The following ROBO2 variants were observed in gnomAD, a reference collection of about 807,000 sequenced individuals.
The protein encoded by ROBO2 is roundabout homolog 2.
In ROBO2, 53 loss-of-function variants were observed where a neutral mutation model predicts 160.8. That is an observed-to-expected ratio of 0.33 (90% CI 0.26 to 0.41). The LOEUF (loss-of-function observed/expected upper bound fraction) is 0.41, where lower values mean the gene tolerates loss of function less well. ROBO2 is among the 10% of genes least tolerant of loss of function. ROBO2 has a pLI of 1.00. For missense variants in ROBO2, 1,577 were observed against 1,722.4 expected, an observed-to-expected ratio of 0.92 and a Z score of 1.49; for synonymous variants, 664 against 611.7, an observed-to-expected ratio of 1.09 and a Z score of -1.26.
chr3:76,234,044 C>T (rs1267281550), intron 2 of ROBO2, among the ~76,000 whole-genome samples: 1 of 152,212 alleles, frequency 6.6e-6, no homozygotes, highest in African/African-American at 2.4e-5. Flanking sequence ...TGAAGTTTAA[C>T]TCCCACTTAT....
At chr3:77,597,877 T>C (rs963038152) in intron 19 of ROBO2, among the ~76,000 whole-genome samples, 2 of 152,104 alleles carry the variant, frequency 1.3e-5, no homozygotes, top group Non-Finnish European at 2.9e-5. Flanking sequence ...CAAAGGACCT[T>C]TTAAGCCACA....
chr3:76,064,102 AAGACCTCCAAGTTTCACGTG>A (rs2068159816), intron 2 of ROBO2, among the ~76,000 whole-genome samples: 1 of 152,156 alleles, frequency 6.6e-6, no homozygotes, highest in Admixed American at 6.5e-5. Context: ...AGACTGGAAA[AAGACCTCCAAGTTTCACGTG>A]AGAATTGCAG....
At chr3:76,495,467 TACTA>T (rs1011322348) in intron 2 of ROBO2, among the ~76,000 whole-genome samples, 4 of 152,096 alleles carry the variant, frequency 2.6e-5, no homozygotes, top group East Asian at 3.9e-4. Flanking sequence ...CTGAAGTGCT[TACTA>T]ACTTAGTCAG....
In ROBO2 at chr3:76,639,769, A is replaced by G. The variant is rs1207017746; in HGVS notation, c.110-458245A>G. Among the ~76,000 whole-genome samples the G allele has an allele frequency of 3.3e-5, 5 of 152,184 alleles. No homozygotes were observed. The East Asian group carries it at 9.6e-4, about 29-fold the overall frequency. ...ACAGAAACCATAGGGCTAAAAGGTAACTTTTTGTCCACTACCACACCACAT... is the reference window on the plus strand; with the variant it reads ...ACAGAAACCATAGGGCTAAAAGGTAGCTTTTTGTCCACTACCACACCACAT... On this transcript the variant is annotated intron_variant, in intron 2 of 26. Coordinates refer to the ROBO2 transcript ENST00000487694.
chr3:76,277,658 A>G (rs150499112), intron 2 of ROBO2, among the ~76,000 whole-genome samples: 8 of 152,106 alleles, frequency 5.3e-5, no homozygotes, highest in South Asian at 4.1e-4. Flanking sequence ...ATTTTCATCA[A>G]TAATACAGTC....
intron 2 of ROBO2, among the ~76,000 whole-genome samples, chr3:76,120,374 C>T (rs1259996219): frequency 2.0e-5 from 3 of 150,426 alleles, no homozygotes; most frequent in Admixed American, 6.7e-5. Flanking sequence ...AAGGTTCAAA[C>T]TTATGTTTGC....
intron 2 of ROBO2, among the ~76,000 whole-genome samples, chr3:76,190,250 T>C (rs1701945911): frequency 1.3e-5 from 2 of 152,102 alleles, no homozygotes; most frequent in Admixed American, 6.6e-5. Flanking sequence ...AAAGATATTC[T>C]AAGCAATAAA....
intron 2 of ROBO2, among the ~76,000 whole-genome samples, chr3:76,030,810 A>T (rs1156818775): frequency 6.6e-6 from 1 of 152,174 alleles, no homozygotes; most frequent in Non-Finnish European, 1.5e-5. Context: ...TGATGCCTCC[A>T]GCTTTGTTGT....
At chr3:76,892,711 C>A (rs2148824430) in intron 2 of ROBO2, among the ~76,000 whole-genome samples, 1 of 152,304 alleles carries the variant, frequency 6.6e-6, no homozygotes, top group African/African-American at 2.4e-5. Flanking sequence ...GAAAAACACA[C>A]AACCAAACTT....
At chr3:77,447,443 A>T (rs1370888551) in intron 2 of ROBO2, among the ~76,000 whole-genome samples, 2 of 152,138 alleles carry the variant, frequency 1.3e-5, no homozygotes, top group African/African-American at 4.8e-5. Flanking sequence ...ATTAAAATAG[A>T]CTGTTAAAAA....
chr3:76,680,629 T>C (rs904424626), intron 2 of ROBO2, among the ~76,000 whole-genome samples: 3 of 152,130 alleles, frequency 2.0e-5, no homozygotes, highest in African/African-American at 7.2e-5. Context: ...CAATATTTTG[T>C]GTGATATAGA....
intron 2 of ROBO2, among the ~76,000 whole-genome samples, chr3:76,845,701 G>A (rs924337426): frequency 6.6e-6 from 1 of 151,894 alleles, no homozygotes; most frequent in African/African-American, 2.4e-5. Flanking sequence ...CTTCAATCAT[G>A]CTTACACATA....
rs150794385 is a variant in ROBO2 at position 76,285,810 on chromosome 3, A to C, written c.109+348208A>C. ...TCATGTTTTCATGTTTGTATATCTT[A>C]AGCAGCATCTTCTCTATTTTCTTAT... On this transcript the variant is annotated intron_variant, in intron 2 of 26. Coordinates refer to the ROBO2 transcript ENST00000487694. Among the ~76,000 whole-genome samples the C allele has an allele frequency of 1.5e-3, 232 of 152,256 alleles. 1 individual carries two copies. The highest frequency in any genetic ancestry group is 4.9e-3 in the African/African-American group (203 of 41,576).
At chr3:77,150,604 CT>C (rs2077472300) in intron 2 of ROBO2, among the ~76,000 whole-genome samples, 1 of 151,596 alleles carries the variant, frequency 6.6e-6, no homozygotes, top group Admixed American at 6.6e-5. Context: ...TTTTTTTTCC[CT>C]TGCAAAGAAC....
chr3:77,380,642 CT>C lies in ROBO2; in HGVS notation c.389-96765del, dbSNP rs535184317. 2.0e-3 allele frequency among the ~76,000 whole-genome samples: 306 copies of C among 151,964 alleles called. 3 individuals are homozygous for C. The highest frequency in any genetic ancestry group is 6.2e-3 in the African/African-American group (255 of 41,458). On this transcript the variant is annotated intron_variant, in intron 2 of 25. Transcript: ENST00000461745. Reference sequence around the variant, plus strand: ...ACGTTCTTTGGCTAAAGTGCACCTTCTTTTTTTCTCCCTCTTCCCTCCCTCC... The same window carrying C: ...ACGTTCTTTGGCTAAAGTGCACCTTCTTTTTTCTCCCTCTTCCCTCCCTCC...
chr3:77,231,702 A>G (rs1443866627), intron 2 of ROBO2, among the ~76,000 whole-genome samples: 1 of 151,906 alleles, frequency 6.6e-6, no homozygotes. Flanking sequence ...TGGTGTTTCT[A>G]TTTCTCATCC....
chr3:76,250,502 G>A (rs532535940), intron 2 of ROBO2, among the ~76,000 whole-genome samples: 128 of 152,136 alleles, frequency 8.4e-4, no homozygotes, highest in African/African-American at 2.9e-3. Context: ...ATCGTTTTGC[G>A]TGTAGGAGAG....
intron 2 of ROBO2, among the ~76,000 whole-genome samples, chr3:76,261,421 A>AAT (rs1706754410): frequency 6.6e-6 from 1 of 151,852 alleles, no homozygotes; most frequent in Admixed American, 6.6e-5. Flanking sequence ...TCCTTCAGAT[A>AAT]ATACTATGTG....
At chr3:75,944,458 T>A (rs1576245585) in intron 2 of ROBO2, among the ~76,000 whole-genome samples, 1 of 152,084 alleles carries the variant, frequency 6.6e-6, no homozygotes, top group African/African-American at 2.4e-5. Context: ...ACATTTCTTT[T>A]AAAAAACTCA....
Sources: allele counts gnomAD v4.1 joint callset (sites outside exome capture counted in the v4.1 genomes callset), GRCh38; gene constraint gnomAD v4.1.1; transcripts MANE v1.5; gene names NCBI Gene and HGNC (gene_info 2026-07-23, HGNC 2026-07-21).